The following FAM107B variants were observed in gnomAD, a reference collection of about 807,000 sequenced individuals.
FAM107B encodes family with sequence similarity 107 member B, also known as protein FAM107B.
Under a neutral mutation model 31.5 loss-of-function variants are expected in FAM107B, and 21 were observed. The observed-to-expected ratio is 0.67, with a 90% CI of 0.47 to 0.96. FAM107B has a LOEUF of 0.96. FAM107B is among the 40% of genes least tolerant of loss of function. FAM107B has a pLI of 0.00. For missense variants in FAM107B, 452 were observed against 377.1 expected (o/e 1.20, Z -1.64); for synonymous variants, 157 against 141.5 (o/e 1.11, Z -0.78).
intron 1 of FAM107B, among the ~76,000 whole-genome samples, chr10:14,678,667 T>C (rs938419953): frequency 6.6e-6 from 1 of 152,162 alleles, no homozygotes; most frequent in Non-Finnish European, 1.5e-5. Context: ...CTCTTCTTCA[T>C]GTAAGGGTGG....
chr10:14,565,353 A>G (rs1051966028), intron 2 of FAM107B, among the ~76,000 whole-genome samples: 3 of 152,168 alleles, frequency 2.0e-5, no homozygotes, highest in Non-Finnish European at 4.4e-5. Flanking sequence ...ATGCAGTCCA[A>G]GGGGAGAACC....
intron 2 of FAM107B, among the ~76,000 whole-genome samples, chr10:14,539,919 T>C (rs113285666): frequency 0.022 from 3,379 of 152,162 alleles, 65 homozygotes; most frequent in East Asian, 0.09. Context: ...ATCCTGTGAG[T>C]AGTACCTGGT....
At chr10:14,701,574 G>C (rs1226624506) in intron 1 of FAM107B, among the ~76,000 whole-genome samples, 2 of 152,082 alleles carry the variant, frequency 1.3e-5, no homozygotes, top group African/African-American at 4.8e-5. Context: ...AGTCCTCACA[G>C]CTCCAAGAAT....
intron 2 of FAM107B, chr10:14,548,379 G>A: frequency 1.0e-6 from 1 of 976,766 alleles, no homozygotes; most frequent in Non-Finnish European, 1.2e-6. Flanking sequence ...CAGCTCCAGG[G>A]GAGGTACTTG....
chr10:14,548,957 T>C (rs1564553367), intron 2 of FAM107B, among the ~76,000 whole-genome samples: 1 of 152,154 alleles, frequency 6.6e-6, no homozygotes, highest in Non-Finnish European at 1.5e-5. Context: ...GATGAGGTCA[T>C]GAGGCTGCAG....
At chr10:14,601,543 C>G (rs896642209) in intron 2 of FAM107B, among the ~76,000 whole-genome samples, 1 of 152,318 alleles carries the variant, frequency 6.6e-6, no homozygotes, top group East Asian at 1.9e-4. Flanking sequence ...ATGATGCACA[C>G]AGAGGACATC....
intron 2 of FAM107B, among the ~76,000 whole-genome samples, chr10:14,597,978 C>T (rs1214328376): frequency 1.3e-5 from 2 of 152,010 alleles, no homozygotes; most frequent in Non-Finnish European, 2.9e-5. Flanking sequence ...AAAAAAACTC[C>T]GAGTTGAAAT....
At chr10:14,657,519 C>G (rs939174571) in intron 2 of FAM107B, among the ~76,000 whole-genome samples, 3 of 152,144 alleles carry the variant, frequency 2.0e-5, no homozygotes, top group African/African-American at 7.2e-5. Flanking sequence ...TCACCCCCAC[C>G]CCTGGTCACC....
intron 2 of FAM107B, among the ~76,000 whole-genome samples, chr10:14,537,632 G>C (rs183131536): frequency 6.6e-6 from 1 of 152,228 alleles, no homozygotes; most frequent in African/African-American, 2.4e-5. Flanking sequence ...GAGGTCCAGA[G>C]ATCGAGACCA....
intron 1 of FAM107B, among the ~76,000 whole-genome samples, chr10:14,746,387 G>A (rs143930415): frequency 2.5e-4 from 38 of 152,248 alleles, no homozygotes; most frequent in African/African-American, 8.9e-4. Context: ...GCTTCATAGT[G>A]TCACTGTTCT....
At position 14,622,863 on chromosome 10, in the gene FAM107B, C is replaced by CCCTGTAGAAATCACAGGGATTTCTTT. The variant is rs1345202200; in HGVS notation, c.469+44745_469+44770dup. ...AAACATAAATCTTCTGATTGGAGTT[C>CCCTGTAGAAATCACAGGGATTTCTTT]CCTGTAGAAATCACAGGGATTTCTT... On this transcript the variant is annotated intron_variant, in intron 2 of 4. Coordinates refer to ENST00000181796, the MANE Select transcript of FAM107B (RefSeq NM_031453.4). Among the ~76,000 whole-genome samples, 4 of 152,268 alleles carry CCCTGTAGAAATCACAGGGATTTCTTT rather than the reference C, an allele frequency of 2.6e-5. No individual in the cohort carries two copies. In the East Asian group the frequency reaches 5.8e-4, roughly 22 times the overall value.
intron 1 of FAM107B, among the ~76,000 whole-genome samples, chr10:14,690,427 A>G (rs1489230134): frequency 6.6e-6 from 1 of 151,976 alleles, no homozygotes; most frequent in Non-Finnish European, 1.5e-5. Context: ...TCTCACCCAT[A>G]CTTTCACAAC....
chr10:14,736,008 G>C (rs1478355667), intron 1 of FAM107B, among the ~76,000 whole-genome samples: 4 of 152,152 alleles, frequency 2.6e-5, no homozygotes, highest in Admixed American at 2.6e-4. Context: ...AAAATATCAT[G>C]AGAGATTTTA....
chr10:14,521,147 C>T lies in FAM107B; in HGVS notation c.*43G>A. ...CTGAGATTGAGAAGGCACCCACAGA[C>T]AGCTCTGTGGGGTGACACACGAGGT... On this transcript the variant is annotated 3_prime_UTR_variant, in exon 5 of 5. Coordinates refer to ENST00000181796, the MANE Select transcript of FAM107B (RefSeq NM_031453.4). 1.4e-6 allele frequency: 2 copies of T among 1,462,828 alleles called. No individual in the cohort carries two copies. Among genetic ancestry groups the T allele is most frequent in the Middle Eastern group, 1.7e-4 (1 of 5,720 alleles). The allele number at this position is 1,462,828 out of a possible 1,614,324, so 90.6% of individuals were successfully genotyped here.
intron 1 of FAM107B, among the ~76,000 whole-genome samples, chr10:14,730,517 C>A (rs1048629354): frequency 1.3e-5 from 2 of 152,186 alleles, no homozygotes; most frequent in Non-Finnish European, 2.9e-5. Flanking sequence ...GGGGAACCAG[C>A]GGAGCTGAGA....
intron 2 of FAM107B, among the ~76,000 whole-genome samples, chr10:14,636,715 G>A (rs1207184563): frequency 6.6e-6 from 1 of 152,040 alleles, no homozygotes; most frequent in African/African-American, 2.4e-5. Context: ...GGGGGAGTGG[G>A]TATGAAGATA....
intron 1 of FAM107B, among the ~76,000 whole-genome samples, chr10:14,747,705 C>A (rs560619885): frequency 6.6e-6 from 1 of 152,316 alleles, no homozygotes; most frequent in African/African-American, 2.4e-5. Flanking sequence ...AGGCACCAAG[C>A]TAATGCCAGC....
chr10:14,615,463 C>T (rs1852828050), intron 2 of FAM107B, among the ~76,000 whole-genome samples: 1 of 152,232 alleles, frequency 6.6e-6, no homozygotes. Context: ...GAACTCTACT[C>T]TAGCCAAGTT....
At chr10:14,696,859 A>C (rs1426390515) in intron 1 of FAM107B, among the ~76,000 whole-genome samples, 1 of 152,206 alleles carries the variant, frequency 6.6e-6, no homozygotes, top group Admixed American at 6.5e-5. Context: ...GGCTGTGCCC[A>C]GGGACACTGT....
Sources: allele counts gnomAD v4.1 joint callset (sites outside exome capture counted in the v4.1 genomes callset), GRCh38; gene constraint gnomAD v4.1.1; transcripts MANE v1.5; gene names NCBI Gene and HGNC (gene_info 2026-07-23, HGNC 2026-07-21).